The following PID1 variants were observed in gnomAD, a reference collection of about 807,000 sequenced individuals.
PID1 encodes phosphotyrosine interaction domain containing 1, also known as PTB-containing, cubilin and LRP1-interacting protein.
In PID1, 10 loss-of-function variants were observed where a neutral mutation model predicts 19.1. The ratio of observed to expected loss-of-function variants is 0.52; its 90% confidence interval spans 0.32 to 0.89. PID1 has a LOEUF of 0.89. PID1 is among the 40% of genes least tolerant of loss of function. The pLI is 0.03. For synonymous variants in PID1, 130 were observed against 116.0 expected, an observed-to-expected ratio of 1.12 and a Z score of -0.78; for missense variants, 248 against 285.3, an observed-to-expected ratio of 0.87 and a Z score of 0.94.
intron 2 of PID1, among the ~76,000 whole-genome samples, chr2:229,098,960 A>C (rs1695024943): frequency 1.3e-5 from 2 of 152,122 alleles, no homozygotes; most frequent in Non-Finnish European, 2.9e-5. Flanking sequence ...TCTAATACTA[A>C]AGAGACGGTG....
At chr2:229,225,957 G>T (rs989078997) in intron 1 of PID1, among the ~76,000 whole-genome samples, 1 of 152,160 alleles carries the variant, frequency 6.6e-6, no homozygotes, top group African/African-American at 2.4e-5. Context: ...TACAGTTCAG[G>T]ATGACATCTG....
chr2:229,247,545 T>C (rs1447722841), intron 1 of PID1, among the ~76,000 whole-genome samples: 1 of 152,188 alleles, frequency 6.6e-6, no homozygotes, highest in Non-Finnish European at 1.5e-5. Context: ...AACTTGGAAA[T>C]AGCAAAATAT....
At chr2:229,232,264 A>C (rs1490516816) in intron 1 of PID1, among the ~76,000 whole-genome samples, 1 of 151,632 alleles carries the variant, frequency 6.6e-6, no homozygotes, top group Non-Finnish European at 1.5e-5. Flanking sequence ...TCTACTAAAA[A>C]CACACAAAAA....
chr2:229,144,464 G>A (rs1209926110), intron 2 of PID1, among the ~76,000 whole-genome samples: 3 of 152,110 alleles, frequency 2.0e-5, no homozygotes, highest in African/African-American at 7.2e-5. Flanking sequence ...TTAAGTGTAG[G>A]TGTATATAAA....
intron 1 of PID1, among the ~76,000 whole-genome samples, chr2:229,200,127 G>A (rs192193043): frequency 1.7e-4 from 26 of 151,832 alleles, no homozygotes; most frequent in Non-Finnish European, 2.6e-4. Flanking sequence ...TGATGACTCC[G>A]CTGCTGCACT....
chr2:229,271,213 C>G lies in PID1; in HGVS notation c.-170G>C. ...GTAGGGGGCTGCGAGCAGGAGGAGG[C>G]GCGGCGCTCAGCTGCCGGCAACTTG... On this transcript the variant is annotated 5_prime_UTR_variant, in exon 1 of 3. Coordinates refer to ENST00000392055, the MANE Select transcript of PID1 (RefSeq NM_001100818.2). 1 of 612,392 alleles carries G rather than the reference C, an allele frequency of 1.6e-6. No homozygotes were observed. Among genetic ancestry groups the G allele is most frequent in the Non-Finnish European group, 2.6e-6 (1 of 377,530 alleles). 37.9% of individuals were successfully genotyped at this position (612,392 alleles called of 1,614,324 possible).
intron 2 of PID1, among the ~76,000 whole-genome samples, chr2:229,087,858 A>G (rs1233305335): frequency 6.6e-6 from 1 of 152,196 alleles, no homozygotes; most frequent in African/African-American, 2.4e-5. Flanking sequence ...TCCACCAATC[A>G]AGTATGCCCT....
intron 2 of PID1, among the ~76,000 whole-genome samples, chr2:229,044,002 T>C (rs1693825386): frequency 6.6e-6 from 1 of 152,200 alleles, no homozygotes; most frequent in South Asian, 2.1e-4. Context: ...CAGGACCTTG[T>C]ATGTGTAAAG....
chr2:229,262,337 G>A (rs1690480802), intron 1 of PID1, among the ~76,000 whole-genome samples: 1 of 152,158 alleles, frequency 6.6e-6, no homozygotes, highest in Non-Finnish European at 1.5e-5. Flanking sequence ...CCTTCCCTGA[G>A]CAACACAGCA....
At chr2:229,125,100 C>T (rs1054672599) in intron 2 of PID1, among the ~76,000 whole-genome samples, 12 of 152,096 alleles carry the variant, frequency 7.9e-5, no homozygotes, top group African/African-American at 2.2e-4. Flanking sequence ...AGTTAGCTTT[C>T]GCTGCAAGAC....
intron 2 of PID1, among the ~76,000 whole-genome samples, chr2:229,063,006 TTCTC>T (rs560133990): frequency 6.6e-6 from 1 of 152,060 alleles, no homozygotes; most frequent in Non-Finnish European, 1.5e-5. Flanking sequence ...TATTTGAGTA[TTCTC>T]TCTTTTTTCT....
At chr2:229,224,832 T>A (rs1218797353) in intron 1 of PID1, among the ~76,000 whole-genome samples, 9 of 148,336 alleles carry the variant, frequency 6.1e-5, no homozygotes, top group Non-Finnish European at 9.0e-5. Context: ...GGATTCAGAA[T>A]AAAAAAAAAA....
chr2:229,080,802 T>G (rs113573610), intron 2 of PID1, among the ~76,000 whole-genome samples: 1 of 152,050 alleles, frequency 6.6e-6, no homozygotes, highest in African/African-American at 2.4e-5. Flanking sequence ...CTCTAACAAA[T>G]AGAGCTAGGG....
intron 1 of PID1, among the ~76,000 whole-genome samples, chr2:229,243,034 A>C (rs1023817152): frequency 1.1e-4 from 16 of 152,106 alleles, no homozygotes; most frequent in Non-Finnish European, 1.2e-4. Flanking sequence ...GATATACCCA[A>C]GACTGGGCAA....
At chr2:229,228,980 C>T (rs1692143930) in intron 1 of PID1, among the ~76,000 whole-genome samples, 1 of 152,100 alleles carries the variant, frequency 6.6e-6, no homozygotes, top group Admixed American at 6.5e-5. Context: ...CAAAGAAATG[C>T]CTTTGAGATA....
chr2:229,193,246 AGACT>A (rs1183532693), intron 1 of PID1, among the ~76,000 whole-genome samples: 1 of 152,172 alleles, frequency 6.6e-6, no homozygotes, highest in African/African-American at 2.4e-5. Flanking sequence ...GATGGGTTGA[AGACT>A]GAGTTCAAGT....
At chr2:229,113,260 C>G (rs1695335174) in intron 2 of PID1, among the ~76,000 whole-genome samples, 1 of 151,812 alleles carries the variant, frequency 6.6e-6, no homozygotes. Flanking sequence ...CCTTGTAGAT[C>G]TAAAATTTTA....
At chr2:229,215,207 C>G (rs1231015632) in intron 1 of PID1, among the ~76,000 whole-genome samples, 1 of 152,196 alleles carries the variant, frequency 6.6e-6, no homozygotes, top group Non-Finnish European at 1.5e-5. Context: ...CAGGGGAACT[C>G]TAACTATTGT....
chr2:229,184,496 ATATATATATATCCCG>A lies in PID1; in HGVS notation c.31-28547_31-28533del, dbSNP rs1311318729. ...TATATCCCGTATATATATATACCGT[ATATATATATATCCCG>A]TATATATATATCCCGTATATATATA... On this transcript the variant is annotated intron_variant, in intron 1 of 2. Coordinates refer to ENST00000392055, the MANE Select transcript of PID1 (RefSeq NM_001100818.2). 1.5e-3 allele frequency among the ~76,000 whole-genome samples: 16 copies of A among 10,754 alleles called. 7 individuals are homozygous for A. Among genetic ancestry groups the A allele is most frequent in the African/African-American group, 9.8e-3 (16 of 1,632 alleles). The allele number at this position is 10,754 out of a possible 152,430, so 7.1% of individuals were successfully genotyped here.
Sources: allele counts gnomAD v4.1 joint callset (sites outside exome capture counted in the v4.1 genomes callset), GRCh38; gene constraint gnomAD v4.1.1; transcripts MANE v1.5; gene names NCBI Gene and HGNC (gene_info 2026-07-23, HGNC 2026-07-21).